The following SMPX variants were observed in gnomAD, a reference collection of about 807,000 sequenced individuals.
SMPX encodes the protein small muscle protein X-linked.
Under a neutral mutation model 6.3 loss-of-function variants are expected in SMPX, and 2 were observed. The observed-to-expected ratio is 0.32, with a 90% confidence interval of 0.13 to 0.99. The LOEUF is 0.99. SMPX is among the 50% of genes least tolerant of loss of function. The pLI is 0.49. For synonymous variants in SMPX, 32 were observed against 24.7 expected, an observed-to-expected ratio of 1.30 and a Z score of -0.88; for missense variants, 60 against 66.8, an observed-to-expected ratio of 0.90 and a Z score of 0.36.
chrX:21,715,773 T>C (rs1225651436), intron 4 of SMPX, among the ~76,000 whole-genome samples: 2 of 111,294 alleles, frequency 1.8e-5, no homozygotes, highest in Admixed American at 1.9e-4. Flanking sequence ...TGTGAAGACA[T>C]TTTTTGGTTA....
At chrX:21,743,434 T>C (rs113109840) in intron 3 of SMPX, among the ~76,000 whole-genome samples, 93 of 108,642 alleles carry the variant, frequency 8.6e-4, no homozygotes, top group African/African-American at 2.6e-3. Context: ...CACACACGCA[T>C]ACACACAATC....
At chrX:21,757,715 G>A (rs749288134) in intron 1 of SMPX, among the ~76,000 whole-genome samples, 47 of 111,218 alleles carry the variant, frequency 4.2e-4, no homozygotes, top group African/African-American at 1.5e-3. Flanking sequence ...TGCCACTATC[G>A]ATGAAAACTG....
chrX:21,709,990 G>A (rs1245663884), intron 4 of SMPX, among the ~76,000 whole-genome samples: 5 of 111,881 alleles, frequency 4.5e-5, no homozygotes, highest in African/African-American at 1.3e-4. Context: ...CATTTATATG[G>A]CAGACTTGAT....
At chrX:21,722,978 A>G (rs921892799) in intron 4 of SMPX, among the ~76,000 whole-genome samples, 5 of 112,102 alleles carry the variant, frequency 4.5e-5, no homozygotes, top group African/African-American at 1.6e-4. Flanking sequence ...CTTAGTATAT[A>G]TAAATTTCAG....
At chrX:21,708,705 GGTTCTTGT>G (rs2092775521) in intron 4 of SMPX, among the ~76,000 whole-genome samples, 1 of 112,145 alleles carries the variant, frequency 8.9e-6, no homozygotes, top group Non-Finnish European at 1.9e-5. Context: ...AGTCAGCATA[GGTTCTTGT>G]ATTTCCCCAG....
chrX:21,736,657 G>T (rs2092810789), intron 4 of SMPX, among the ~76,000 whole-genome samples: 1 of 112,013 alleles, frequency 8.9e-6, no homozygotes, highest in Admixed American at 9.4e-5. Flanking sequence ...GTGACCAAAT[G>T]AATGAATGGA....
chrX:21,737,222 G>A (rs752259683), intron 4 of SMPX, among the ~76,000 whole-genome samples: 1 of 111,452 alleles, frequency 9.0e-6, no homozygotes, highest in Admixed American at 9.5e-5. Context: ...ATGGAGTGAG[G>A]GAGGGCTCCC....
At chrX:21,724,837 C>G (rs745326242) in intron 4 of SMPX, among the ~76,000 whole-genome samples, 5 of 112,353 alleles carry the variant, frequency 4.5e-5, no homozygotes, top group Admixed American at 9.4e-5. Flanking sequence ...CCTGCCCTAC[C>G]TATCTCACAG....
intron 1 of SMPX, among the ~76,000 whole-genome samples, chrX:21,755,305 T>C (rs918972735): frequency 8.9e-6 from 1 of 112,958 alleles, no homozygotes; most frequent in Non-Finnish European, 1.9e-5. Flanking sequence ...CTGGTGTAAG[T>C]GGTGTGTCCA....
chrX:21,729,532 C>A, intron 4 of SMPX, among the ~76,000 whole-genome samples: 1 of 111,643 alleles, frequency 9.0e-6, no homozygotes, highest in East Asian at 2.8e-4. Context: ...CACCCTCCCC[C>A]CATTGAGAAC....
chrX:21,741,281 C>A (rs1209704790), intron 3 of SMPX, among the ~76,000 whole-genome samples: 1 of 111,954 alleles, frequency 8.9e-6, no homozygotes, highest in African/African-American at 3.2e-5. Flanking sequence ...CTGTTTTGTT[C>A]AAAGATGGTA....
intron 4 of SMPX, among the ~76,000 whole-genome samples, chrX:21,723,943 G>A (rs2092794347): frequency 8.9e-6 from 1 of 111,980 alleles, no homozygotes; most frequent in African/African-American, 3.2e-5. Flanking sequence ...TGTCTTATCT[G>A]GGGCATGAGC....
rs746096065 is a variant in SMPX at position 21,715,146 on chromosome X, A to G, written c.*15-8752T>C. Among the ~76,000 whole-genome samples, 211 of 111,645 alleles carry G rather than the reference A, an allele frequency of 1.9e-3. 2 individuals carry two copies. The highest frequency in any genetic ancestry group is 6.2e-3 in the African/African-American group (190 of 30,642). ...AGCTATCATCAAATGATTTAATTTTATAATGTTAAAAGAGATAAGAGGTCA... is the reference window on the plus strand; with the variant it reads ...AGCTATCATCAAATGATTTAATTTTGTAATGTTAAAAGAGATAAGAGGTCA... On this transcript the variant is annotated intron_variant, in intron 4 of 4. Coordinates refer to ENST00000379494, the MANE Select transcript of SMPX (RefSeq NM_014332.3).
intron 4 of SMPX, among the ~76,000 whole-genome samples, chrX:21,719,452 C>T (rs182886523): frequency 2.2e-3 from 238 of 107,837 alleles, no homozygotes; most frequent in African/African-American, 7.7e-3. Context: ...CGGGAGGGGG[C>T]GGTTGCAGTG....
chrX:21,732,454 A>G (rs1336622608), intron 4 of SMPX, among the ~76,000 whole-genome samples: 2 of 111,721 alleles, frequency 1.8e-5, no homozygotes, highest in Non-Finnish European at 3.8e-5. Context: ...GAGAGAAGCT[A>G]GTCTTTCTTT....
At chrX:21,728,221 TCTCTCTCTCTCTCTC>T (rs1471141132) in intron 4 of SMPX, among the ~76,000 whole-genome samples, 30 of 18,937 alleles carry the variant, frequency 1.6e-3, no homozygotes, top group Middle Eastern at 0.039. Context: ...CCTTTCTCTC[TCTCTCTCTCTCTCTC>T]TCTCTCTCTC....
At chrX:21,710,951 T>G (rs1056476484) in intron 4 of SMPX, among the ~76,000 whole-genome samples, 2 of 112,020 alleles carry the variant, frequency 1.8e-5, no homozygotes, top group Non-Finnish European at 3.8e-5. Flanking sequence ...GCAGGAGCCA[T>G]TGCAGGTGTC....
Position 21,743,744 on chromosome X carries a change from C to T in SMPX, c.132+6G>A. On this transcript the variant is annotated splice_donor_region_variant and intron_variant, in intron 3 of 4. Coordinates refer to ENST00000379494, the MANE Select transcript of SMPX (RefSeq NM_014332.3). ...TGCTGTGTTCTGAGAGCTGAGTTTT[C>T]CTCACCTCCTCCACTTCAGGAGTAC... 8.4e-7 allele frequency: 1 copy of T among 1,193,002 alleles called. No homozygotes were observed. Among genetic ancestry groups the T allele is most frequent in the South Asian group, 1.8e-5 (1 of 56,538 alleles).
chrX:21,717,373 C>T (rs753092387), intron 4 of SMPX, among the ~76,000 whole-genome samples: 1 of 112,190 alleles, frequency 8.9e-6, no homozygotes, highest in East Asian at 2.8e-4. Context: ...TGAGGCCATC[C>T]CAGCCATGCT....
Sources: allele counts gnomAD v4.1 joint callset (sites outside exome capture counted in the v4.1 genomes callset), GRCh38; gene constraint gnomAD v4.1.1; transcripts MANE v1.5; gene names NCBI Gene and HGNC (gene_info 2026-07-23, HGNC 2026-07-21).